The following TNNI3K variants were observed in gnomAD, a reference collection of about 807,000 sequenced individuals.
TNNI3K encodes the protein serine/threonine-protein kinase TNNI3K.
In TNNI3K, 140 loss-of-function variants were observed where a neutral mutation model predicts 114.5. The observed-to-expected ratio is 1.22, with a 90% confidence interval of 1.07 to 1.41. The LOEUF (loss-of-function observed/expected upper bound fraction) is 1.41, where lower values mean the gene tolerates loss of function less well. Ranked by LOEUF, TNNI3K falls within the 40% of genes most tolerant of loss-of-function variation. The probability of loss-of-function intolerance (pLI) is 0.00; values close to 1 mark genes in which losing one functional copy is unlikely to be tolerated. For synonymous variants in TNNI3K, 347 were observed against 347.5 expected (o/e 1.00, Z 0.02); for missense variants, 1,125 against 1,007.6 (o/e 1.12, Z -1.58).
intron 23 of TNNI3K, among the ~76,000 whole-genome samples, chr1:74,498,432 C>T (rs949599820): frequency 3.9e-5 from 6 of 152,186 alleles, no homozygotes; most frequent in East Asian, 3.8e-4. Context: ...GTCTTATTCC[C>T]TATTAGATCA....
intron 21 of TNNI3K, among the ~76,000 whole-genome samples, chr1:74,485,690 G>A (rs1668722375): frequency 6.6e-6 from 1 of 152,162 alleles, no homozygotes; most frequent in African/African-American, 2.4e-5. Flanking sequence ...AGCAGAATAA[G>A]TTTTACAGCT....
intron 21 of TNNI3K, chr1:74,471,224 G>A (rs1667919057): frequency 2.5e-6 from 1 of 400,678 alleles, no homozygotes; most frequent in Middle Eastern, 3.1e-4. Context: ...GTGTTTCGTT[G>A]ATAATATGGG....
chr1:74,328,778 C>A (rs1660048436), intron 5 of TNNI3K, among the ~76,000 whole-genome samples: 1 of 152,078 alleles, frequency 6.6e-6, no homozygotes, highest in Non-Finnish European at 1.5e-5. Flanking sequence ...GAACTCTTAT[C>A]TTTTAGAATG....
At chr1:74,521,286 C>A (rs1361353429) in intron 23 of TNNI3K, among the ~76,000 whole-genome samples, 1 of 152,094 alleles carries the variant, frequency 6.6e-6, no homozygotes, top group African/African-American at 2.4e-5. Context: ...TTTCTAGTTG[C>A]TCTTTGCTTC....
intron 17 of TNNI3K, among the ~76,000 whole-genome samples, chr1:74,379,792 C>T (rs931751211): frequency 6.6e-6 from 1 of 152,108 alleles, no homozygotes; most frequent in African/African-American, 2.4e-5. Context: ...TATTCTCCCC[C>T]CTATACTTCA....
At chr1:74,479,096 G>A (rs1668349428) in intron 21 of TNNI3K, among the ~76,000 whole-genome samples, 1 of 152,058 alleles carries the variant, frequency 6.6e-6, no homozygotes, top group Non-Finnish European at 1.5e-5. Context: ...ATGATTTATA[G>A]CACATATTTA....
chr1:74,491,784 A>G (rs1669090408), intron 22 of TNNI3K, among the ~76,000 whole-genome samples: 1 of 152,234 alleles, frequency 6.6e-6, no homozygotes, highest in African/African-American at 2.4e-5. Flanking sequence ...GAATGTGAAG[A>G]ATCTTTTGAT....
chr1:74,342,707 C>T, intron 7 of TNNI3K, 135 bp from the exon 8 acceptor site: 1 of 1,179,554 alleles, frequency 8.5e-7, no homozygotes, highest in Non-Finnish European at 1.2e-6. Context: ...CCCTTAATTT[C>T]CTTTATGATT....
At chr1:74,356,094 C>G (rs1311108490) in intron 11 of TNNI3K, among the ~76,000 whole-genome samples, 2 of 152,138 alleles carry the variant, frequency 1.3e-5, no homozygotes, top group Non-Finnish European at 2.9e-5. Flanking sequence ...AGTCGTTTTG[C>G]CACTTTCTGC....
At chr1:74,541,527 AC>A (rs1468155206) in intron 24 of TNNI3K, 1 of 152,154 alleles carries the variant, frequency 6.6e-6, no homozygotes, top group African/African-American at 2.4e-5. Context: ...TTTTCTTCAA[AC>A]CTTTACAGAT....
chr1:74,337,928 G>A (rs1660559116), intron 7 of TNNI3K, among the ~76,000 whole-genome samples: 1 of 151,914 alleles, frequency 6.6e-6, no homozygotes, highest in Non-Finnish European at 1.5e-5. Flanking sequence ...ACCATAATTG[G>A]CATATCCATT....
intron 11 of TNNI3K, among the ~76,000 whole-genome samples, chr1:74,357,144 A>G (rs1293371567): frequency 1.3e-5 from 2 of 152,162 alleles, no homozygotes; most frequent in East Asian, 1.9e-4. Context: ...GAATCACTAT[A>G]TTAATTGATA....
At chr1:74,451,687 C>CTTTTCTTTTCTTT (rs59304469) in intron 20 of TNNI3K, among the ~76,000 whole-genome samples, 3 of 26,772 alleles carry the variant, frequency 1.1e-4, no homozygotes, top group Non-Finnish European at 2.7e-4. Flanking sequence ...CTTTTCTTTT[C>CTTTTCTTTTCTTT]TTTCTTTCTT....
Position 74,272,775 on chromosome 1 carries a change from G to T in TNNI3K, c.444+1067G>T, listed in dbSNP as rs529504187. Among the ~76,000 whole-genome samples, 3 of 151,978 alleles carry T rather than the reference G, an allele frequency of 2.0e-5. No individual in the cohort carries two copies. In the South Asian group the frequency reaches 6.2e-4, roughly 32 times the overall value. On this transcript the variant is annotated intron_variant, in intron 5 of 24. Coordinates refer to ENST00000326637, the MANE Select transcript of TNNI3K (RefSeq NM_015978.3). ...TTGGCTAACTTCACAAATCCTCATC[G>T]AATAGTTTTTATTGCCGCTGCCATT...
chr1:74,391,299 TGA>T (rs1663758055), intron 17 of TNNI3K, among the ~76,000 whole-genome samples: 1 of 152,146 alleles, frequency 6.6e-6, no homozygotes, highest in African/African-American at 2.4e-5. Context: ...AAATGAAAGC[TGA>T]GAGAGCAGTT....
At chr1:74,427,349 A>G (rs1324122493) in intron 17 of TNNI3K, among the ~76,000 whole-genome samples, 2 of 149,472 alleles carry the variant, frequency 1.3e-5, no homozygotes, top group Non-Finnish European at 3.0e-5. Context: ...TAATCAGACT[A>G]GCTAATTATT....
In TNNI3K at chr1:74,544,033, C is replaced by A. The variant is rs201120366; in HGVS notation, c.*51C>A. On this transcript the variant is annotated 3_prime_UTR_variant, in exon 25 of 25. Coordinates refer to ENST00000326637, the MANE Select transcript of TNNI3K (RefSeq NM_015978.3). ...AGTTTTTTCCCCGAACTGACAGCAACGATTCCAACCACGGCAAGCTGGCTT... is the reference window on the plus strand; with the variant it reads ...AGTTTTTTCCCCGAACTGACAGCAAAGATTCCAACCACGGCAAGCTGGCTT... 1.4e-5 allele frequency: 22 copies of A among 1,577,520 alleles called. No homozygotes were observed. In the East Asian group the frequency reaches 5.1e-4, roughly 36 times the overall value.
intron 6 of TNNI3K, among the ~76,000 whole-genome samples, chr1:74,334,850 G>T (rs926809148): frequency 6.6e-6 from 1 of 152,178 alleles, no homozygotes; most frequent in Non-Finnish European, 1.5e-5. Context: ...ATTCAGAGAA[G>T]ATTCTGCATG....
chr1:74,438,240 G>T (rs1666224956), intron 19 of TNNI3K, among the ~76,000 whole-genome samples: 1 of 151,820 alleles, frequency 6.6e-6, no homozygotes, highest in African/African-American at 2.4e-5. Flanking sequence ...ATACAATGTT[G>T]TGACACAATG....
Sources: gnomAD v4.1 joint callset for allele counts (sites outside exome capture counted in the v4.1 genomes callset) on GRCh38, gnomAD v4.1.1 for gene constraint, MANE v1.5 for transcripts, NCBI Gene and HGNC (gene_info 2026-07-23, HGNC 2026-07-21) for gene names.